Variants in CLINT1 observed in about 807,000 individuals in gnomAD.
The protein encoded by CLINT1 is clathrin interactor 1.
Under a neutral mutation model 70.4 loss-of-function variants are expected in CLINT1, and 15 were observed. The ratio of observed to expected loss-of-function variants is 0.21; its 90% CI spans 0.14 to 0.33. The LOEUF (loss-of-function observed/expected upper bound fraction) is 0.33, where lower values mean the gene tolerates loss of function less well. CLINT1 is among the 10% of genes least tolerant of loss of function. The pLI, the probability that CLINT1 is intolerant of heterozygous loss-of-function variation, is 1.00. For synonymous variants in CLINT1, 227 were observed against 254.7 expected (o/e 0.89, Z 1.04); for missense variants, 615 against 778.1 (o/e 0.79, Z 2.49).
Position 157,809,819 on chromosome 5 carries a change from T to TA in CLINT1, c.518-15dup. The TA allele has an allele frequency of 6.2e-7, 1 of 1,601,184 alleles. No individual in the cohort carries two copies. The highest frequency in any genetic ancestry group is 8.5e-7 in the Non-Finnish European group (1 of 1,175,640). The stretch of plus-strand genomic sequence containing the variant: ...CATATCTTTCACCTAGATAGAGCAT[T>TA]AAAAAAAGAAGCAATTCTAACGACA... On this transcript the variant is annotated splice_polypyrimidine_tract_variant and intron_variant, in intron 5 of 11. Coordinates refer to ENST00000411809, the MANE Select transcript of CLINT1 (RefSeq NM_014666.4).
At chr5:157,798,001 C>T (rs1377317967) in intron 8 of CLINT1, among the ~76,000 whole-genome samples, 2 of 152,136 alleles carry the variant, frequency 1.3e-5, no homozygotes, top group African/African-American at 4.8e-5. Context: ...AGTTGTCTTT[C>T]TCTGAAAATG....
intron 1 of CLINT1, among the ~76,000 whole-genome samples, chr5:157,822,073 C>A (rs939554089): frequency 6.6e-6 from 1 of 152,124 alleles, no homozygotes; most frequent in African/African-American, 2.4e-5. Flanking sequence ...GTGTCCCCAC[C>A]CAAATCTCAT....
chr5:157,835,522 T>G (rs1181236204), intron 1 of CLINT1, among the ~76,000 whole-genome samples: 1 of 152,086 alleles, frequency 6.6e-6, no homozygotes, highest in Non-Finnish European at 1.5e-5. Flanking sequence ...CTGACTACAC[T>G]ATATCTTATG....
chr5:157,854,544 A>T (rs962473520), intron 1 of CLINT1, among the ~76,000 whole-genome samples: 1 of 152,226 alleles, frequency 6.6e-6, no homozygotes, highest in Non-Finnish European at 1.5e-5. Context: ...AAAAATAAAA[A>T]ATAAAAAGAA....
chr5:157,838,121 T>G (rs1351325479), intron 1 of CLINT1, among the ~76,000 whole-genome samples: 2 of 138,944 alleles, frequency 1.4e-5, no homozygotes, highest in Non-Finnish European at 3.1e-5. Context: ...AAGGTTTTTT[T>G]GTTTTTTTTT....
intron 1 of CLINT1, among the ~76,000 whole-genome samples, chr5:157,841,251 G>A (rs898067300): frequency 2.0e-5 from 3 of 151,876 alleles, no homozygotes; most frequent in African/African-American, 2.4e-5. Context: ...GGGTGACAGA[G>A]CAAGAGCCCG....
intron 1 of CLINT1, among the ~76,000 whole-genome samples, chr5:157,832,150 T>C (rs531928832): frequency 1.3e-5 from 2 of 152,142 alleles, no homozygotes; most frequent in African/African-American, 4.8e-5. Context: ...GCCACGCGAA[T>C]TTTTGTATTT....
chr5:157,803,871 CT>C (rs1762306262), intron 7 of CLINT1, among the ~76,000 whole-genome samples, 152 bp from the exon 8 acceptor site: 1 of 152,030 alleles, frequency 6.6e-6, no homozygotes, highest in Non-Finnish European at 1.5e-5. Flanking sequence ...ACCTTGAATC[CT>C]TATGGAGAGG....
chr5:157,853,545 G>A (rs1753645277), intron 1 of CLINT1, among the ~76,000 whole-genome samples: 1 of 151,832 alleles, frequency 6.6e-6, no homozygotes, highest in Non-Finnish European at 1.5e-5. Context: ...GGGAGTCTGA[G>A]GCAGGTGGAT....
At chr5:157,793,493 G>A (rs186624017) in intron 9 of CLINT1, among the ~76,000 whole-genome samples, 15 of 152,288 alleles carry the variant, frequency 9.8e-5, no homozygotes, top group Admixed American at 2.0e-4. Context: ...AGCCCCCTGC[G>A]TAAGGTGGTC....
At position 157,813,048 on chromosome 5, in the gene CLINT1, G is replaced by T; in HGVS notation, c.517+15C>A. On this transcript the variant is annotated intron_variant, in intron 5 of 11. Coordinates refer to ENST00000411809, the MANE Select transcript of CLINT1 (RefSeq NM_014666.4). ...TAAGCTGATGCTTAGGTGTCAGCTT[G>T]TCTTTGATACTCACTGTATCTGAAT... The T allele has an allele frequency of 6.2e-7, 1 of 1,609,764 alleles. No homozygotes were observed. Among genetic ancestry groups the T allele is most frequent in the Non-Finnish European group, 8.5e-7 (1 of 1,177,408 alleles).
At chr5:157,824,122 G>C (rs1200774410) in intron 1 of CLINT1, among the ~76,000 whole-genome samples, 1 of 152,118 alleles carries the variant, frequency 6.6e-6, no homozygotes, top group Non-Finnish European at 1.5e-5. Flanking sequence ...TCTTAAACCA[G>C]AAACATTTGG....
chr5:157,817,332 C>A, intron 2 of CLINT1, 111 bp downstream of exon 2: 1 of 683,740 alleles, frequency 1.5e-6, no homozygotes. Context: ...AATGATTATG[C>A]AAAATTTATA....
At chr5:157,855,207 C>T (rs1753719609) in intron 1 of CLINT1, among the ~76,000 whole-genome samples, 3 of 147,202 alleles carry the variant, frequency 2.0e-5, no homozygotes, top group African/African-American at 2.5e-5. Context: ...TAATATTACT[C>T]CTTGCAAGGA....
intron 1 of CLINT1, among the ~76,000 whole-genome samples, chr5:157,824,540 G>A (rs1461011949): frequency 6.6e-6 from 1 of 152,144 alleles, no homozygotes; most frequent in African/African-American, 2.4e-5. Context: ...GAAATACAAT[G>A]CAATGAAAAA....
intron 7 of CLINT1, among the ~76,000 whole-genome samples, chr5:157,804,192 G>A (rs889594320): frequency 6.6e-6 from 1 of 152,052 alleles, no homozygotes; most frequent in Admixed American, 6.6e-5. Flanking sequence ...AGATCCACTG[G>A]ATTAGAGGTC....
At position 157,803,687 on chromosome 5, in the gene CLINT1, G is replaced by T. The variant is rs933526917; in HGVS notation, c.975C>A (p.Asp325Glu). 1.3e-6 allele frequency: 2 copies of T among 1,550,588 alleles called. No homozygotes were observed. The highest frequency in any genetic ancestry group is 1.8e-6 in the Non-Finnish European group (2 of 1,139,746). The stretch of plus-strand genomic sequence containing the variant: ...TGGTGCCATCAAACAGATCAACAAG[G>T]TCACCAGATGACTTGCTGCTAGGCA... ...TSVPSSKSSGDLVDLFDGTSQ... is the reference protein window; with the variant it reads ...TSVPSSKSSGELVDLFDGTSQ... The change falls in exon 8 of 12, where the codon GAC becomes GAA. Residue 325 changes from aspartate (D) to glutamate (E), a missense_variant. Asp to Glu is a conservative substitution (Grantham distance 45, BLOSUM62 2). Coordinates refer to ENST00000411809, the MANE Select transcript of CLINT1 (RefSeq NM_014666.4).
chr5:157,804,977 A>G (rs1762343871), intron 7 of CLINT1, among the ~76,000 whole-genome samples: 1 of 152,106 alleles, frequency 6.6e-6, no homozygotes. Context: ...AATATAAAAT[A>G]TTTATTGCAG....
chr5:157,795,125 T>C (rs899761266), intron 8 of CLINT1, 153 bp from the exon 9 acceptor site: 7 of 637,902 alleles, frequency 1.1e-5, no homozygotes, highest in Admixed American at 8.0e-5. Flanking sequence ...TAGATTTTCA[T>C]GTCACTATGT....
Sources: allele counts gnomAD v4.1 joint callset (sites outside exome capture counted in the v4.1 genomes callset), GRCh38; gene constraint gnomAD v4.1.1; transcripts MANE v1.5; gene names NCBI Gene and HGNC (gene_info 2026-07-23, HGNC 2026-07-21).